PDGFC: variants seen among roughly 807,000 people sequenced by gnomAD.
The protein encoded by PDGFC is platelet derived growth factor C, also known as platelet-derived growth factor C.
In PDGFC, 12 loss-of-function variants were observed where a neutral mutation model predicts 35.5. That is an observed-to-expected ratio of 0.34 (90% CI 0.22 to 0.55). The LOEUF is 0.55. PDGFC is among the 20% of genes least tolerant of loss of function. PDGFC has a pLI of 0.91. For missense variants in PDGFC, 322 were observed against 412.4 expected (o/e 0.78, Z 1.90); for synonymous variants, 159 against 148.8 (o/e 1.07, Z -0.50).
chr4:156,849,797 T>C (rs539721406), intron 2 of PDGFC, among the ~76,000 whole-genome samples: 1 of 152,124 alleles, frequency 6.6e-6, no homozygotes, highest in African/African-American at 2.4e-5. Context: ...TACCTGTGGA[T>C]AGAACTTTTT....
intron 1 of PDGFC, among the ~76,000 whole-genome samples, chr4:156,868,606 T>C (rs912339844): frequency 6.6e-6 from 1 of 152,200 alleles, no homozygotes; most frequent in Non-Finnish European, 1.5e-5. Context: ...CAGCAAGCAA[T>C]ACAGACATTT....
At chr4:156,923,133 C>T (rs1175191376) in intron 1 of PDGFC, among the ~76,000 whole-genome samples, 1 of 152,156 alleles carries the variant, frequency 6.6e-6, no homozygotes, top group Admixed American at 6.5e-5. Flanking sequence ...ATCTGCAAAG[C>T]TGTGCTGCGG....
At chr4:156,948,879 C>T (rs1379449205) in intron 1 of PDGFC, among the ~76,000 whole-genome samples, 1 of 151,908 alleles carries the variant, frequency 6.6e-6, no homozygotes. Context: ...GCATTTTGAT[C>T]ATTGCCCCGT....
At chr4:156,951,921 GA>G (rs984571787) in intron 1 of PDGFC, among the ~76,000 whole-genome samples, 1 of 151,508 alleles carries the variant, frequency 6.6e-6, no homozygotes, top group African/African-American at 2.4e-5. Context: ...AAATAGATAG[GA>G]AAAAAGAGTA....
chr4:156,901,760 G>A (rs1353202180), intron 1 of PDGFC, among the ~76,000 whole-genome samples: 1 of 151,976 alleles, frequency 6.6e-6, no homozygotes, highest in Non-Finnish European at 1.5e-5. Flanking sequence ...GGAGCTCGGT[G>A]TACCACCACC....
At chr4:156,871,423 C>G (rs1189117034) in intron 1 of PDGFC, among the ~76,000 whole-genome samples, 1 of 151,980 alleles carries the variant, frequency 6.6e-6, no homozygotes, top group Admixed American at 6.6e-5. Context: ...CCAAATTTGA[C>G]TGAAGATAAG....
chr4:156,784,311 C>T (rs958439492), intron 3 of PDGFC, among the ~76,000 whole-genome samples: 4 of 152,132 alleles, frequency 2.6e-5, no homozygotes, highest in East Asian at 1.9e-4. Context: ...ATCTAAGGGT[C>T]GGGAAGAGAG....
At chr4:156,834,642 TG>T (rs1339353275) in intron 2 of PDGFC, among the ~76,000 whole-genome samples, 2 of 152,172 alleles carry the variant, frequency 1.3e-5, no homozygotes, top group African/African-American at 2.4e-5. Flanking sequence ...AGCTGCCATA[TG>T]GGGAGACGAT....
At chr4:156,955,145 T>A (rs1381688827) in intron 1 of PDGFC, among the ~76,000 whole-genome samples, 2 of 151,932 alleles carry the variant, frequency 1.3e-5, no homozygotes, top group African/African-American at 4.8e-5. Flanking sequence ...GGGCCTTAAA[T>A]CCACGTTGGC....
chr4:156,803,482 G>A (rs1731671129), intron 3 of PDGFC, among the ~76,000 whole-genome samples: 1 of 152,080 alleles, frequency 6.6e-6, no homozygotes, highest in Non-Finnish European at 1.5e-5. Flanking sequence ...GACAGAAAGT[G>A]AAAGATGGCT....
chr4:156,780,679 T>A (rs914760434), intron 3 of PDGFC, among the ~76,000 whole-genome samples: 1 of 152,158 alleles, frequency 6.6e-6, no homozygotes, highest in Admixed American at 6.5e-5. Context: ...TTAAAATGTC[T>A]TGACAGTATA....
chr4:156,879,014 G>A (rs954843846), intron 1 of PDGFC, among the ~76,000 whole-genome samples: 3 of 152,108 alleles, frequency 2.0e-5, no homozygotes, highest in Non-Finnish European at 2.9e-5. Context: ...ATGGGATCAC[G>A]ACTAATTTAT....
At chr4:156,942,284 A>C (rs571071864) in intron 1 of PDGFC, among the ~76,000 whole-genome samples, 1 of 152,264 alleles carries the variant, frequency 6.6e-6, no homozygotes, top group South Asian at 2.1e-4. Context: ...GGATTCAAAA[A>C]GCCTGTAACA....
At chr4:156,848,116 C>T (rs181670444) in intron 2 of PDGFC, among the ~76,000 whole-genome samples, 1 of 151,244 alleles carries the variant, frequency 6.6e-6, no homozygotes, top group Non-Finnish European at 1.5e-5. Context: ...GAGCAAAAGA[C>T]ATAAGCAGGC....
At chr4:156,818,118 C>A (rs1732143371) in intron 2 of PDGFC, among the ~76,000 whole-genome samples, 1 of 145,358 alleles carries the variant, frequency 6.9e-6, no homozygotes, top group Admixed American at 7.1e-5. Flanking sequence ...AATGGCAATA[C>A]TAGATACTAA....
chr4:156,765,789 T>C (rs1237570853), intron 5 of PDGFC, among the ~76,000 whole-genome samples: 1 of 152,202 alleles, frequency 6.6e-6, no homozygotes, highest in Non-Finnish European at 1.5e-5. Context: ...TAAATCTTTA[T>C]TGATCATTTA....
intron 2 of PDGFC, among the ~76,000 whole-genome samples, chr4:156,829,117 C>T (rs1156278781): frequency 6.6e-6 from 1 of 152,082 alleles, no homozygotes; most frequent in East Asian, 1.9e-4. Context: ...AATCTTATTC[C>T]TATCACATGT....
At chr4:156,837,302 C>G (rs1331452261) in intron 2 of PDGFC, among the ~76,000 whole-genome samples, 1 of 152,110 alleles carries the variant, frequency 6.6e-6, no homozygotes, top group Non-Finnish European at 1.5e-5. Flanking sequence ...TCCCTTGAAC[C>G]AGGGAGTTGG....
At chr4:156,897,184 C>G (rs938190838) in intron 1 of PDGFC, among the ~76,000 whole-genome samples, 2 of 152,012 alleles carry the variant, frequency 1.3e-5, no homozygotes, top group East Asian at 3.9e-4. Context: ...AACAGAGAGA[C>G]ATTTGACTAA....
Sources: gnomAD v4.1 joint callset for allele counts (sites outside exome capture counted in the v4.1 genomes callset) on GRCh38, gnomAD v4.1.1 for gene constraint, MANE v1.5 for transcripts, NCBI Gene and HGNC (gene_info 2026-07-23, HGNC 2026-07-21) for gene names.